BIRC6: variants seen among roughly 807,000 people sequenced by gnomAD.
BIRC6 encodes the protein dual E2 ubiquitin-conjugating enzyme/E3 ubiquitin-protein ligase BIRC6.
BIRC6 carries 98 observed loss-of-function variants against 503.3 expected under a neutral mutation model. The ratio of observed to expected loss-of-function variants is 0.19; its 90% CI spans 0.17 to 0.23. The LOEUF (loss-of-function observed/expected upper bound fraction) is 0.23. Ranked by LOEUF, BIRC6 falls within the 10% of genes least tolerant of loss-of-function variation. The probability of loss-of-function intolerance (pLI) is 1.00; values close to 1 mark genes in which losing one functional copy is unlikely to be tolerated. For synonymous variants in BIRC6, 2,240 were observed against 2,078.7 expected (o/e 1.08, Z -2.11); for missense variants, 5,360 against 5,806.0 (o/e 0.92, Z 2.50).
intron 23 of BIRC6, among the ~76,000 whole-genome samples, chr2:32,461,076 T>C (rs1572391991): frequency 1.9e-4 from 1 of 5,194 alleles, no homozygotes; most frequent in African/African-American, 7.2e-4. Context: ...TGTTCTCCTC[T>C]CCTCTCCTCT....
intron 66 of BIRC6, 114 bp downstream of exon 66, chr2:32,575,480 C>G (rs1390852435): frequency 1.0e-5 from 10 of 967,700 alleles, no homozygotes; most frequent in Non-Finnish European, 1.4e-5. Flanking sequence ...CATATACACC[C>G]TCGGCTGGGT....
chr2:32,411,538 C>T (rs1032724636), intron 9 of BIRC6, among the ~76,000 whole-genome samples: 8 of 150,242 alleles, frequency 5.3e-5, no homozygotes, highest in East Asian at 2.0e-4. Flanking sequence ...AGTGCAGTGG[C>T]GTGATCTCAG....
chr2:32,534,965 A>G (rs1213784379), intron 61 of BIRC6, among the ~76,000 whole-genome samples: 6 of 151,606 alleles, frequency 4.0e-5, no homozygotes, highest in Non-Finnish European at 8.8e-5. Flanking sequence ...AGAAACTGTT[A>G]ACTCATGCAG....
intron 23 of BIRC6, among the ~76,000 whole-genome samples, chr2:32,460,272 ATTTTTTTTTT>A (rs70938346): frequency 2.9e-3 from 54 of 18,818 alleles, no homozygotes; most frequent in African/African-American, 9.2e-3. Context: ...ATATATATAT[ATTTTTTTTTT>A]TTTTTTTTTT....
intron 22 of BIRC6, 22 bp from the exon 23 acceptor site, chr2:32,453,786 A>G (rs1423559755): frequency 6.2e-7 from 1 of 1,608,340 alleles, no homozygotes; most frequent in Non-Finnish European, 8.5e-7. Context: ...CACGTGTTAT[A>G]AAACTTGTCT....
At chr2:32,579,035 ATATG>A (rs60945749) in intron 66 of BIRC6, among the ~76,000 whole-genome samples, 17 of 140,298 alleles carry the variant, frequency 1.2e-4, no homozygotes, top group African/African-American at 2.7e-4. Context: ...CCTAATATAT[ATATG>A]TATACCTAAT....
intron 10 of BIRC6, among the ~76,000 whole-genome samples, chr2:32,425,028 G>A (rs1362316070): frequency 1.3e-5 from 2 of 151,614 alleles, no homozygotes; most frequent in East Asian, 3.9e-4. Flanking sequence ...ATTTCTTCAT[G>A]TGTTTATTGG....
chr2:32,608,623 G>C lies in BIRC6; in HGVS notation c.14259+980G>C, dbSNP rs181281860. Among the ~76,000 whole-genome samples the C allele has an allele frequency of 8.6e-5, 13 of 152,016 alleles. No individual in the cohort carries two copies. In the East Asian group the frequency reaches 2.5e-3, roughly 30 times the overall value. ...GTAGAGACGGGGTTTCACCATGTTG[G>C]CCAGGCTGATCTTGAACTCCTGACC... On this transcript the variant is annotated intron_variant, in intron 72 of 73. Transcript: ENST00000421745.
chr2:32,532,649 A>C (rs1053674864), intron 61 of BIRC6, among the ~76,000 whole-genome samples: 3 of 152,190 alleles, frequency 2.0e-5, no homozygotes, highest in Non-Finnish European at 4.4e-5. Context: ...AATGCAACAC[A>C]CAATAATACT....
chr2:32,510,638 C>G lies in BIRC6; in HGVS notation c.10346+4C>G, dbSNP rs765182508. The G allele has an allele frequency of 6.5e-7, 1 of 1,547,226 alleles. No individual in the cohort carries two copies. On this transcript the variant is annotated splice_donor_region_variant and intron_variant, in intron 53 of 73. Transcript: ENST00000421745. ...AGGATCCTGGTACAAAAGACAGGTA[C>G]GATTTTATTTTTCATTTAATTAAGC... is the stretch of plus-strand genomic sequence containing the variant.
rs70938346 is a variant in BIRC6, at chr2:32,460,272, A to ATTTTT, written c.4754-2901_4754-2897dup. 7.8e-3 allele frequency among the ~76,000 whole-genome samples: 146 copies of ATTTTT among 18,824 alleles called. 30 individuals carry two copies. Among genetic ancestry groups the ATTTTT allele is most frequent in the East Asian group, 0.026 (11 of 428 alleles). 12.3% of individuals were successfully genotyped at this position (18,824 alleles called of 152,430 possible). On this transcript the variant is annotated intron_variant, in intron 23 of 73. Coordinates refer to ENST00000421745, the MANE Select transcript of BIRC6 (RefSeq NM_016252.4). ...TATATATATATATATATATATATAT[A>ATTTTT]TTTTTTTTTTTTTTTTTTTTTTTTT...
chr2:32,474,366 A>T (rs1420398182), intron 33 of BIRC6, among the ~76,000 whole-genome samples: 1 of 152,084 alleles, frequency 6.6e-6, no homozygotes. Flanking sequence ...GTATCTTTTA[A>T]TGTTTATACT....
chr2:32,426,997 G>C (rs746806720), intron 10 of BIRC6, among the ~76,000 whole-genome samples: 4 of 152,106 alleles, frequency 2.6e-5, no homozygotes, highest in Non-Finnish European at 5.9e-5. Flanking sequence ...GTTAATTTGT[G>C]CTGTTGTTTT....
intron 69 of BIRC6, 126 bp downstream of exon 69, chr2:32,598,094 C>T (rs972188460): frequency 1.1e-6 from 1 of 906,274 alleles, no homozygotes; most frequent in Non-Finnish European, 1.6e-6. Context: ...TTTTGGTGAC[C>T]ATTTTTAGAC....
intron 61 of BIRC6, among the ~76,000 whole-genome samples, chr2:32,542,890 C>G (rs1316835702): frequency 1.3e-5 from 2 of 152,128 alleles, no homozygotes; most frequent in Non-Finnish European, 2.9e-5. Flanking sequence ...CCTTCCACCT[C>G]CTGGGTTCAA....
rs1363253445 is a variant in BIRC6, at chr2:32,415,838, C to G, written c.2547C>G (p.Ile849Met). 5.6e-6 allele frequency: 9 copies of G among 1,613,708 alleles called. No homozygotes were observed. The highest frequency in any genetic ancestry group is 7.6e-6 in the Non-Finnish European group (9 of 1,179,886). Reference protein sequence around the residue: ...LEEEPIKIQHIKDPQDTITSL... With the variant: ...LEEEPIKIQHMKDPQDTITSL... ...AGGAGCCAATAAAAATACAACATAT[C>G]AAAGATCCCCAGGACACAATTACCT... Residue 849 changes from isoleucine (I) to methionine (M), a missense_variant, in exon 10 of 74, where the codon ATC becomes ATG. Ile to Met is a conservative substitution (Grantham distance 10). This residue lies in a region of BIRC6 where 700 missense variants were observed against 739.3 expected (regional missense o/e 0.95). Coordinates refer to ENST00000421745, the MANE Select transcript of BIRC6 (RefSeq NM_016252.4).
intron 65 of BIRC6, among the ~76,000 whole-genome samples, chr2:32,568,615 C>T (rs548044997): frequency 2.2e-4 from 33 of 151,334 alleles, no homozygotes; most frequent in Non-Finnish European, 3.8e-4. Flanking sequence ...GAGTTCGAGG[C>T]GGGCAGTCAC....
intron 70 of BIRC6, among the ~76,000 whole-genome samples, chr2:32,601,124 A>G (rs1176652268): frequency 1.3e-5 from 2 of 152,262 alleles, no homozygotes; most frequent in African/African-American, 4.8e-5. Context: ...ACTAAAGGTC[A>G]AATGGTATAT....
chr2:32,503,905 A>G (rs1025861161), intron 49 of BIRC6, among the ~76,000 whole-genome samples: 1 of 149,732 alleles, frequency 6.7e-6, no homozygotes, highest in Non-Finnish European at 1.5e-5. Context: ...AGAGAGTCTC[A>G]CTCTCACCTA....
Sources: allele counts gnomAD v4.1 joint callset (sites outside exome capture counted in the v4.1 genomes callset), GRCh38; gene constraint gnomAD v4.1.1; regional missense constraint gnomAD v4.1.1; transcripts MANE v1.5; gene names NCBI Gene and HGNC (gene_info 2026-07-23, HGNC 2026-07-21).